The following LEPR variants were observed in gnomAD, a reference collection of about 807,000 sequenced individuals.
The protein encoded by LEPR is leptin receptor.
Under a neutral mutation model 114.7 loss-of-function variants are expected in LEPR, and 56 were observed. That is an observed-to-expected ratio of 0.49 (90% CI 0.39 to 0.61). LEPR has a LOEUF of 0.61. Ranked by LOEUF, LEPR falls within the 20% of genes least tolerant of loss-of-function variation. LEPR has a pLI of 0.00. For missense variants in LEPR, 1,202 were observed against 1,352.9 expected, an observed-to-expected ratio of 0.89 and a Z score of 1.75; for synonymous variants, 443 against 461.4, an observed-to-expected ratio of 0.96 and a Z score of 0.51.
At chr1:65,505,434 C>G (rs551160418) in intron 2 of LEPR, among the ~76,000 whole-genome samples, 1 of 152,174 alleles carries the variant, frequency 6.6e-6, no homozygotes, top group African/African-American at 2.4e-5. Flanking sequence ...GATTCCACCA[C>G]GATTCCATTT....
At chr1:65,433,860 A>C (rs1646521940) in intron 2 of LEPR, 1 of 985,372 alleles carries the variant, frequency 1.0e-6, no homozygotes, top group Admixed American at 6.1e-5. Context: ...GATAACAAAA[A>C]TGAGAGAATT....
chr1:65,518,933 C>CTG (rs1431224364), intron 2 of LEPR, among the ~76,000 whole-genome samples: 127 of 139,436 alleles, frequency 9.1e-4, no homozygotes, highest in African/African-American at 3.0e-3. Context: ...TTCTCTGTTT[C>CTG]TTTCTTTCTC....
At chr1:65,545,563 G>A (rs1159419254) in intron 2 of LEPR, among the ~76,000 whole-genome samples, 6 of 151,906 alleles carry the variant, frequency 3.9e-5, no homozygotes, top group Non-Finnish European at 4.4e-5. Flanking sequence ...GCCAGTGATG[G>A]TGAGCATTTT....
chr1:65,465,596 C>G (rs190857928), intron 2 of LEPR, among the ~76,000 whole-genome samples: 2 of 152,036 alleles, frequency 1.3e-5, no homozygotes, highest in Non-Finnish European at 2.9e-5. Flanking sequence ...CCTTCTTTCT[C>G]GTTGATCTGT....
chr1:65,601,734 A>T (rs1194258084), intron 9 of LEPR, 52 bp downstream of exon 9: 2 of 1,611,338 alleles, frequency 1.2e-6, no homozygotes, highest in Non-Finnish European at 1.7e-6. Flanking sequence ...AATTTTCATT[A>T]TGGACCCTCC....
intron 2 of LEPR, chr1:65,435,551 G>A (rs188130792): frequency 5.1e-4 from 230 of 454,144 alleles, no homozygotes; most frequent in Non-Finnish European, 6.2e-4. Flanking sequence ...TGTATTTTTA[G>A]TAAAGACGGG....
At chr1:65,630,915 T>C (rs1658493184) in intron 19 of LEPR, among the ~76,000 whole-genome samples, 1 of 152,210 alleles carries the variant, frequency 6.6e-6, no homozygotes. Flanking sequence ...TTTCTTCTAT[T>C]CCCTGAATTC....
At chr1:65,520,726 T>C (rs1372742021) in intron 2 of LEPR, among the ~76,000 whole-genome samples, 2 of 152,208 alleles carry the variant, frequency 1.3e-5, no homozygotes, top group African/African-American at 4.8e-5. Context: ...CACATACTTA[T>C]TGACAGCAAG....
chr1:65,469,183 C>T (rs540449913), intron 2 of LEPR, among the ~76,000 whole-genome samples: 30 of 152,186 alleles, frequency 2.0e-4, no homozygotes, highest in African/African-American at 7.0e-4. Context: ...ATGCTGAGTC[C>T]GGTGGGCTAA....
chr1:65,456,742 G>A (rs2100355904), intron 2 of LEPR, among the ~76,000 whole-genome samples: 1 of 152,162 alleles, frequency 6.6e-6, no homozygotes, highest in African/African-American at 2.4e-5. Flanking sequence ...CTTGGGTCTG[G>A]TTTCTTCATC....
chr1:65,605,589 C>T (rs987100308), intron 11 of LEPR, among the ~76,000 whole-genome samples: 6 of 152,036 alleles, frequency 3.9e-5, no homozygotes, highest in African/African-American at 7.2e-5. Flanking sequence ...GTAATCCAAA[C>T]GTTTAATTTG....
chr1:65,430,207 G>T (rs1646459778), intron 2 of LEPR: 1 of 516,250 alleles, frequency 1.9e-6, no homozygotes, highest in East Asian at 3.1e-5. Flanking sequence ...CCTAACAGTA[G>T]TTCGGCCATG....
rs535168025 is a variant in LEPR, at chr1:65,454,000, C to G, written c.-21+28622C>G. Reference sequence around the variant, plus strand: ...GTGCATATATATTTAAGATAGTTAGCTCTTCTTGTTGAATTGATCCCTTTA... The same window carrying G: ...GTGCATATATATTTAAGATAGTTAGGTCTTCTTGTTGAATTGATCCCTTTA... On this transcript the variant is annotated intron_variant, in intron 2 of 19. Coordinates refer to ENST00000349533, the MANE Select transcript of LEPR (RefSeq NM_002303.6). Among the ~76,000 whole-genome samples, 334 of 151,730 alleles carry G rather than the reference C, an allele frequency of 2.2e-3. 2 individuals are homozygous for G. Among genetic ancestry groups the G allele is most frequent in the Non-Finnish European group, 4.0e-3 (274 of 67,932 alleles).
At chr1:65,508,193 G>A (rs913363706) in intron 2 of LEPR, among the ~76,000 whole-genome samples, 1 of 151,978 alleles carries the variant, frequency 6.6e-6, no homozygotes, top group African/African-American at 2.4e-5. Flanking sequence ...TTAGTTTGAC[G>A]CAATCCCATC....
At chr1:65,631,499 C>A (rs940706199) in intron 19 of LEPR, among the ~76,000 whole-genome samples, 6 of 147,504 alleles carry the variant, frequency 4.1e-5, no homozygotes, top group African/African-American at 1.5e-4. Flanking sequence ...TATCTTTTAG[C>A]AATGAATGAA....
At chr1:65,530,640 A>G (rs888350825) in intron 2 of LEPR, among the ~76,000 whole-genome samples, 10 of 152,164 alleles carry the variant, frequency 6.6e-5, no homozygotes, top group Non-Finnish European at 1.5e-4. Context: ...GGGGACAACC[A>G]GACGTCACTC....
chr1:65,505,740 G>T (rs935948533), intron 2 of LEPR, among the ~76,000 whole-genome samples: 4 of 127,158 alleles, frequency 3.1e-5, no homozygotes, highest in Non-Finnish European at 6.4e-5. Flanking sequence ...TAGTCTCTAG[G>T]TAACTCACCA....
chr1:65,435,845 T>A (rs1646555756), intron 2 of LEPR: 1 of 982,976 alleles, frequency 1.0e-6, no homozygotes, highest in Admixed American at 6.1e-5. Flanking sequence ...TTCCATTTTG[T>A]CTCATGAAGT....
chr1:65,458,363 A>G (rs892595089), intron 2 of LEPR, among the ~76,000 whole-genome samples: 1 of 152,150 alleles, frequency 6.6e-6, no homozygotes, highest in Non-Finnish European at 1.5e-5. Context: ...CTTTCAAGGC[A>G]TGTTTACTGA....
Sources: allele counts gnomAD v4.1 joint callset (sites outside exome capture counted in the v4.1 genomes callset), GRCh38; gene constraint gnomAD v4.1.1; transcripts MANE v1.5; gene names NCBI Gene and HGNC (gene_info 2026-07-23, HGNC 2026-07-21).